The following LRRC28 variants were observed in gnomAD, a reference collection of about 807,000 sequenced individuals.
The protein encoded by LRRC28 is leucine-rich repeat-containing protein 28.
In LRRC28, 39 loss-of-function variants were observed where a neutral mutation model predicts 45.7. The ratio of observed to expected loss-of-function variants is 0.85; its 90% confidence interval spans 0.66 to 1.12. The LOEUF is 1.12. LRRC28 is among the 50% of genes most tolerant of loss of function. The pLI, the probability that LRRC28 is intolerant of heterozygous loss-of-function variation, is 0.00. For missense variants in LRRC28, 435 were observed against 438.5 expected, an observed-to-expected ratio of 0.99 and a Z score of 0.07; for synonymous variants, 206 against 178.8, an observed-to-expected ratio of 1.15 and a Z score of -1.22.
rs1418305908 is a variant in LRRC28, at chr15:99,389,948, C to T, written c.*3846C>T. On this transcript the variant is annotated 3_prime_UTR_variant, in exon 10 of 10. Coordinates refer to ENST00000301981, the MANE Select transcript of LRRC28 (RefSeq NM_144598.5). ...CCTGGCCAGCATGGTGAAACCCCAT[C>T]TCTACTAAAAATACAAAAAATTAGC... The T allele has an allele frequency of 1.3e-5, 2 of 152,246 alleles. No individual in the cohort carries two copies. Among genetic ancestry groups the T allele is most frequent in the African/African-American group, 4.8e-5 (2 of 41,436 alleles). The allele number at this position is 152,246 out of a possible 1,614,324, so 9.4% of individuals were successfully genotyped here.
At chr15:99,271,367 C>G (rs2081474292) in intron 2 of LRRC28, among the ~76,000 whole-genome samples, 1 of 151,964 alleles carries the variant, frequency 6.6e-6, no homozygotes, top group African/African-American at 2.4e-5. Context: ...CAACCTCTGC[C>G]TCCTGGGTTC....
At chr15:99,350,042 A>G (rs1215032879) in intron 6 of LRRC28, among the ~76,000 whole-genome samples, 2 of 150,632 alleles carry the variant, frequency 1.3e-5, no homozygotes, top group Non-Finnish European at 3.0e-5. Flanking sequence ...AGGCTGAGGC[A>G]GGAGAATGGC....
intron 6 of LRRC28, among the ~76,000 whole-genome samples, chr15:99,336,441 C>G (rs913443343): frequency 6.6e-6 from 1 of 152,064 alleles, no homozygotes; most frequent in African/African-American, 2.4e-5. Flanking sequence ...TACAGGGGGC[C>G]CTTATTTGGG....
intron 2 of LRRC28, among the ~76,000 whole-genome samples, chr15:99,267,816 C>T (rs1199187608): frequency 2.0e-5 from 3 of 152,130 alleles, no homozygotes; most frequent in Non-Finnish European, 2.9e-5. Flanking sequence ...GATTCCTTGT[C>T]AGTAATGTGA....
Position 99,388,871 on chromosome 15 carries a change from T to TAG in LRRC28, c.*2770_*2771dup, listed in dbSNP as rs1958105403. 3 of 152,348 alleles carry TAG rather than the reference T, an allele frequency of 2.0e-5. No homozygotes were observed. The South Asian group carries it at 6.2e-4, about 32-fold the overall frequency. 9.4% of individuals were successfully genotyped at this position (152,348 alleles called of 1,614,324 possible). On this transcript the variant is annotated 3_prime_UTR_variant, in exon 10 of 10. Coordinates refer to ENST00000301981, the MANE Select transcript of LRRC28 (RefSeq NM_144598.5). ...AAAGTCCAGGATAGCCTCATGAGCATAGGCCTTCCTATGAAGTAGTGCAAA... is the reference window on the plus strand; with the variant it reads ...AAAGTCCAGGATAGCCTCATGAGCATAGAGGCCTTCCTATGAAGTAGTGCAAA...
chr15:99,294,391 T>C (rs1272096952), intron 5 of LRRC28, among the ~76,000 whole-genome samples: 1 of 152,182 alleles, frequency 6.6e-6, no homozygotes, highest in African/African-American at 2.4e-5. Context: ...CTAGAAGTTA[T>C]CTGTTGATCT....
At chr15:99,252,779 C>A (rs1445222402) in intron 1 of LRRC28, among the ~76,000 whole-genome samples, 3 of 152,228 alleles carry the variant, frequency 2.0e-5, no homozygotes, top group Middle Eastern at 3.4e-3. Context: ...ATTTTAAGTC[C>A]CTGGATACAT....
chr15:99,322,031 T>G (rs1450179599), intron 5 of LRRC28, among the ~76,000 whole-genome samples: 1 of 152,148 alleles, frequency 6.6e-6, no homozygotes, highest in Non-Finnish European at 1.5e-5. Context: ...AGTCTACGGT[T>G]GGGAGGGTTG....
chr15:99,302,389 T>C (rs1372914675), intron 5 of LRRC28, among the ~76,000 whole-genome samples: 1 of 151,516 alleles, frequency 6.6e-6, no homozygotes, highest in Admixed American at 6.6e-5. Context: ...GTTTTTGTTT[T>C]TGTTTTTTTT....
intron 2 of LRRC28, chr15:99,257,643 G>A: frequency 1.4e-6 from 1 of 716,838 alleles, no homozygotes; most frequent in Non-Finnish European, 2.6e-6. Flanking sequence ...AAGGCCCTGT[G>A]GGTGCTGGGG....
chr15:99,308,650 G>A (rs1269509054), intron 5 of LRRC28, among the ~76,000 whole-genome samples: 2 of 152,142 alleles, frequency 1.3e-5, no homozygotes, highest in Non-Finnish European at 2.9e-5. Flanking sequence ...TTCAGCCTGG[G>A]CAATAGAGTG....
intron 7 of LRRC28, among the ~76,000 whole-genome samples, chr15:99,358,065 C>T (rs1301175364): frequency 1.3e-5 from 2 of 152,016 alleles, no homozygotes; most frequent in African/African-American, 4.8e-5. Context: ...TCAAGATATG[C>T]TACCAAAAAA....
At chr15:99,290,000 G>C (rs552563830) in intron 5 of LRRC28, among the ~76,000 whole-genome samples, 97 of 142,766 alleles carry the variant, frequency 6.8e-4, no homozygotes, top group African/African-American at 2.4e-3. Flanking sequence ...GATCACACCT[G>C]TAATCCCAGC....
At chr15:99,356,534 C>T (rs901628201) in intron 7 of LRRC28, among the ~76,000 whole-genome samples, 4 of 152,102 alleles carry the variant, frequency 2.6e-5, no homozygotes, top group African/African-American at 9.7e-5. Flanking sequence ...AAAATGAACA[C>T]AGCATCAGGG....
intron 9 of LRRC28, among the ~76,000 whole-genome samples, chr15:99,376,726 G>T (rs1358235403): frequency 2.0e-5 from 3 of 152,098 alleles, no homozygotes; most frequent in Non-Finnish European, 4.4e-5. Flanking sequence ...CCTGGTGTGT[G>T]ATGTTCCCCT....
At chr15:99,350,942 C>T (rs1674998640) in intron 6 of LRRC28, among the ~76,000 whole-genome samples, 1 of 152,180 alleles carries the variant, frequency 6.6e-6, no homozygotes, top group African/African-American at 2.4e-5. Flanking sequence ...ACTAGAGACA[C>T]ATGCCAGCAC....
chr15:99,318,127 G>T (rs1288628839), intron 5 of LRRC28, among the ~76,000 whole-genome samples: 3 of 152,146 alleles, frequency 2.0e-5, no homozygotes, highest in African/African-American at 7.2e-5. Context: ...GACAGAAACT[G>T]TATGAAATTT....
At chr15:99,363,060 A>T (rs746418023) in intron 8 of LRRC28, 46 bp from the exon 9 acceptor site, 3 of 1,570,870 alleles carry the variant, frequency 1.9e-6, no homozygotes, top group Non-Finnish European at 1.7e-6. Flanking sequence ...AGTTTAAGGA[A>T]GTCTGATTTT....
intron 8 of LRRC28, among the ~76,000 whole-genome samples, chr15:99,362,597 AG>A (rs373367537): frequency 1.7e-3 from 262 of 152,348 alleles, no homozygotes; most frequent in South Asian, 1.7e-3. Flanking sequence ...GAGTAAGTCA[AG>A]CAAACGCTTG....
Sources: gnomAD v4.1 joint callset for allele counts (sites outside exome capture counted in the v4.1 genomes callset) on GRCh38, gnomAD v4.1.1 for gene constraint, MANE v1.5 for transcripts, NCBI Gene and HGNC (gene_info 2026-07-23, HGNC 2026-07-21) for gene names.